Variants in CXADR observed in about 807,000 individuals in gnomAD.
CXADR encodes CXADR cell adhesion molecule.
In CXADR, 20 loss-of-function variants were observed where a neutral mutation model predicts 40.3. The ratio of observed to expected loss-of-function variants is 0.50; its 90% CI spans 0.35 to 0.72. CXADR has a LOEUF of 0.72. Among genes scored for constraint, CXADR ranks in the 30% least tolerant of loss-of-function variants. CXADR has a pLI of 0.01. For missense variants in CXADR, 332 were observed against 449.1 expected (o/e 0.74, Z 2.36); for synonymous variants, 150 against 161.3 (o/e 0.93, Z 0.53).
the CXADR span, among the ~76,000 whole-genome samples, chr21:17,632,570 C>A: frequency 6.6e-6 from 1 of 152,134 alleles, no homozygotes; most frequent in Non-Finnish European, 1.5e-5. Context: ...TTAACCTGTA[C>A]TTAAAACTGA....
intron 7 of CXADR, among the ~76,000 whole-genome samples, chr21:17,591,982 G>C (rs898611961): frequency 6.6e-6 from 1 of 151,950 alleles, no homozygotes; most frequent in Non-Finnish European, 1.5e-5. Context: ...CTCTAAATAA[G>C]TTTCAGGACA....
intron 1 of CXADR, chr21:17,519,122 C>T (rs1260001872): frequency 1.4e-6 from 1 of 717,748 alleles, no homozygotes. Context: ...AGGAAAAATG[C>T]CTCCCCTCCA....
chr21:17,635,707 CCA>C, the CXADR span, among the ~76,000 whole-genome samples: 3 of 152,220 alleles, frequency 2.0e-5, no homozygotes, highest in East Asian at 3.9e-4. Context: ...TTTAAGAAAA[CCA>C]CACACACACA....
chr21:17,629,101 G>A, the CXADR span, among the ~76,000 whole-genome samples: 45 of 152,180 alleles, frequency 3.0e-4, no homozygotes, highest in Non-Finnish European at 5.6e-4. Flanking sequence ...ACTTACTGGG[G>A]GTAAGAGACA....
chr21:17,604,052 A>T, the CXADR span: 1 of 1,084,362 alleles, frequency 9.2e-7, no homozygotes, highest in Non-Finnish European at 1.2e-6. Context: ...TTTCATACCT[A>T]GCACTGATCT....
intron 1 of CXADR, among the ~76,000 whole-genome samples, chr21:17,531,785 G>T (rs1382824986): frequency 6.6e-6 from 1 of 151,570 alleles, no homozygotes; most frequent in African/African-American, 2.4e-5. Context: ...ATCTCTTTTT[G>T]GTTTTTTAGA....
chr21:17,629,018 T>G, the CXADR span, among the ~76,000 whole-genome samples: 27 of 152,162 alleles, frequency 1.8e-4, no homozygotes, highest in African/African-American at 6.3e-4. Context: ...GGCTAAATAG[T>G]TGGGCATCCT....
the CXADR span, chr21:17,599,000 A>C: frequency 1.9e-6 from 1 of 516,016 alleles, no homozygotes; most frequent in South Asian, 3.3e-5. Context: ...CAAGCAAACC[A>C]CAGTTTTCTA....
chr21:17,583,419 T>C (rs556572571), intron 7 of CXADR, among the ~76,000 whole-genome samples: 72 of 152,330 alleles, frequency 4.7e-4, no homozygotes, highest in South Asian at 8.3e-4. Context: ...CCTTTAAATG[T>C]CTATAGTAGT....
intron 1 of CXADR, among the ~76,000 whole-genome samples, chr21:17,523,616 T>C (rs1426183138): frequency 1.3e-5 from 2 of 152,194 alleles, no homozygotes; most frequent in African/African-American, 4.8e-5. Flanking sequence ...CTGGGAACTT[T>C]GGATTCAGTT....
chr21:17,514,935 T>C (rs1454070826), intron 1 of CXADR, among the ~76,000 whole-genome samples: 1 of 152,138 alleles, frequency 6.6e-6, no homozygotes, highest in Non-Finnish European at 1.5e-5. Flanking sequence ...GAACTAGTTG[T>C]TGTTGTTTTA....
chr21:17,530,114 A>AT (rs56341807), intron 1 of CXADR, among the ~76,000 whole-genome samples: 34,323 of 94,680 alleles, frequency 0.36, 7,140 homozygotes, highest in African/African-American at 0.52. Context: ...ATGCCAGGCT[A>AT]TTTTTTTTTT....
At chr21:17,616,778 AT>A in the CXADR span, among the ~76,000 whole-genome samples, 3 of 152,204 alleles carry the variant, frequency 2.0e-5, no homozygotes, top group African/African-American at 4.8e-5. Context: ...TGAGACTATA[AT>A]TTTAAGAACA....
intron 1 of CXADR, among the ~76,000 whole-genome samples, chr21:17,540,600 C>G (rs1488096413): frequency 6.6e-6 from 1 of 152,160 alleles, no homozygotes; most frequent in African/African-American, 2.4e-5. Flanking sequence ...GCTTGAATTT[C>G]TTACTCTGAT....
chr21:17,593,171 C>T, exon 8 of CXADR: 2 of 1,455,048 alleles, frequency 1.4e-6, no homozygotes, highest in African/African-American at 1.4e-5. Flanking sequence ...CCTTACAAGA[C>T]TGATGGAATT....
chr21:17,552,173 G>C (rs2060977285), intron 3 of CXADR, among the ~76,000 whole-genome samples: 1 of 152,220 alleles, frequency 6.6e-6, no homozygotes, highest in South Asian at 2.1e-4. Context: ...AAATTCATAA[G>C]AGTTTGAAAA....
At chr21:17,599,076 A>C in the CXADR span, 1 of 356,154 alleles carries the variant, frequency 2.8e-6, no homozygotes, top group Non-Finnish European at 5.0e-6. Flanking sequence ...CTTTCTACTA[A>C]TTCCTAAAAA....
At chr21:17,631,695 A>G in the CXADR span, among the ~76,000 whole-genome samples, 10 of 152,216 alleles carry the variant, frequency 6.6e-5, 1 homozygote, top group Middle Eastern at 0.01. Flanking sequence ...AGCTTTCTAT[A>G]TTCACTCTTG....
chr21:17,518,969 G>C, intron 1 of CXADR: 1 of 1,609,018 alleles, frequency 6.2e-7, no homozygotes, highest in Non-Finnish European at 8.5e-7. Context: ...TGAGCCTGAA[G>C]TTTGGCTAAC....
Sources: gnomAD v4.1 joint callset for allele counts (sites outside exome capture counted in the v4.1 genomes callset) on GRCh38, gnomAD v4.1.1 for gene constraint, MANE v1.5 for transcripts, NCBI Gene and HGNC (gene_info 2026-07-23, HGNC 2026-07-21) for gene names.